The following MYOM3 variants were observed in gnomAD, a reference collection of about 807,000 sequenced individuals.
MYOM3 encodes myomesin-3.
In MYOM3, 155 loss-of-function variants were observed where a neutral mutation model predicts 191.7. That is an observed-to-expected ratio of 0.81 (90% CI 0.71 to 0.92). The LOEUF is 0.92. Among genes scored for constraint, MYOM3 ranks in the 40% least tolerant of loss-of-function variants. The probability of loss-of-function intolerance (pLI) is 0.00; values close to 1 mark genes in which losing one functional copy is unlikely to be tolerated. For missense variants in MYOM3, 1,889 were observed against 1,890.6 expected, an observed-to-expected ratio of 1.00 and a Z score of 0.02; for synonymous variants, 757 against 762.9, an observed-to-expected ratio of 0.99 and a Z score of 0.13.
chr1:24,073,723 C>A (rs1643559709), intron 23 of MYOM3, among the ~76,000 whole-genome samples: 1 of 151,988 alleles, frequency 6.6e-6, no homozygotes, highest in Non-Finnish European at 1.5e-5. Context: ...AATTAGCCAG[C>A]ATGGTGGCAG....
chr1:24,090,053 G>A lies in MYOM3; in HGVS notation c.1486+12C>T, dbSNP rs74061486. On this transcript the variant is annotated intron_variant, in intron 13 of 36. Coordinates refer to ENST00000374434, the MANE Select transcript of MYOM3 (RefSeq NM_152372.4). ...ATACAGGAGGCCCAGTGTGTGGGAG[G>A]ATCCCGCGTACCTTCAAAAGCGTCT... 5.4e-4 allele frequency: 878 copies of A among 1,613,262 alleles called. 5 individuals are homozygous for A. In the African/African-American group the frequency reaches 9.1e-3, roughly 17 times the overall value.
intron 16 of MYOM3, 158 bp from the exon 17 acceptor site, chr1:24,082,872 A>G: frequency 1.2e-6 from 1 of 814,832 alleles, no homozygotes; most frequent in Non-Finnish European, 1.8e-6. Flanking sequence ...ATCCCATGGC[A>G]ATGCCTGAGA....
chr1:24,099,089 A>C (rs1352576458), intron 6 of MYOM3, among the ~76,000 whole-genome samples: 6 of 152,152 alleles, frequency 3.9e-5, no homozygotes. Flanking sequence ...TGAGTGACAC[A>C]GGCCTTGGGG....
At position 24,079,903 on chromosome 1, in the gene MYOM3, T is replaced by A. The variant is rs117944167; in HGVS notation, c.2586+113A>T. The A allele has an allele frequency of 1.8e-5, 18 of 1,019,762 alleles. No individual in the cohort carries two copies. In the East Asian group the frequency reaches 4.8e-4, roughly 27 times the overall value. 63.2% of individuals were successfully genotyped at this position (1,019,762 alleles called of 1,614,324 possible). ...TAGGTAAATCGCTCTTCCTCTCTGG[T>A]CCTCTGCTTCCATTAAGTGAGAGCA... On this transcript the variant is annotated intron_variant, in intron 20 of 36. Coordinates refer to ENST00000374434, the MANE Select transcript of MYOM3 (RefSeq NM_152372.4).
intron 29 of MYOM3, chr1:24,065,687 T>A: frequency 1.6e-6 from 1 of 616,302 alleles, no homozygotes; most frequent in Non-Finnish European, 2.9e-6. Context: ...TTTTTTTGCA[T>A]TAATTTTGAT....
At chr1:24,071,028 G>C in intron 25 of MYOM3, 89 bp downstream of exon 25, 1 of 1,473,018 alleles carries the variant, frequency 6.8e-7, no homozygotes, top group Admixed American at 1.9e-5. Context: ...CCACTAGGGG[G>C]AAGTACCAGC....
At chr1:24,089,393 C>T (rs1643785215) in intron 14 of MYOM3, 145 bp downstream of exon 14, 1 of 1,052,174 alleles carries the variant, frequency 9.5e-7, no homozygotes, top group African/African-American at 1.6e-5. Context: ...CATCCCCTTG[C>T]CTCTGTGTAG....
rs1375528023 is a variant in MYOM3 at position 24,107,208 on chromosome 1, G to T, written c.267C>A (p.Thr89=). 6.2e-7 allele frequency: 1 copy of T among 1,604,512 alleles called. No individual in the cohort carries two copies. Among genetic ancestry groups the T allele is most frequent in the South Asian group, 1.1e-5 (1 of 89,150 alleles). The part of the protein sequence containing the change: ...LSWEAQLRRQ[T]SAVELEERGQ... ...CTCGCTCCTCCAGCTCCACGGCAGA[G>T]GTCTGGCGTCTCAGCTGGGCTTCCC... Residue 89 remains threonine, a synonymous_variant, in exon 4 of 37, where the codon ACC becomes ACA. Transcript: ENST00000374434.
chr1:24,075,201 C>G, intron 22 of MYOM3, 118 bp downstream of exon 22: 3 of 968,072 alleles, frequency 3.1e-6, no homozygotes, highest in Non-Finnish European at 3.2e-6. Context: ...GACTGAGCAG[C>G]GCCTTTCAAC....
rs146995432 is a variant in MYOM3, at chr1:24,064,248, G to A, written c.3535-89C>T. 4,127 of 932,748 alleles carry A rather than the reference G, an allele frequency of 4.4e-3. 165 individuals are homozygous for A. The South Asian group carries it at 0.053, about 12-fold the overall frequency. The allele number at this position is 932,748 out of a possible 1,614,324, so 57.8% of individuals were successfully genotyped here. A position where few individuals can be genotyped will look rare whatever the true frequency, so the allele number is the denominator to read the frequency against. On this transcript the variant is annotated intron_variant, in intron 29 of 36. Transcript: ENST00000374434. ...ATCCGGAGGCCTGGGCTCCAGGCCT[G>A]CCCCTCACTCTCTGTGTGACCTCAG... is the stretch of plus-strand genomic sequence containing the variant.
chr1:24,095,718 C>G (rs376261439), intron 7 of MYOM3, among the ~76,000 whole-genome samples: 1 of 152,140 alleles, frequency 6.6e-6, no homozygotes. Flanking sequence ...AATCAAGCCA[C>G]CAGCCATAGC....
At chr1:24,078,308 G>A (rs1209602010) in intron 20 of MYOM3, among the ~76,000 whole-genome samples, 2 of 152,036 alleles carry the variant, frequency 1.3e-5, no homozygotes, top group Non-Finnish European at 2.9e-5. Flanking sequence ...GTAGAAATGA[G>A]GTTTCACTAT....
intron 5 of MYOM3, among the ~76,000 whole-genome samples, chr1:24,104,465 G>T (rs1557617912): frequency 6.6e-6 from 1 of 152,052 alleles, no homozygotes; most frequent in African/African-American, 2.4e-5. Context: ...AGGTGAGATT[G>T]TGTCTGGTTA....
At position 24,111,858 on chromosome 1, in the gene MYOM3, T is replaced by C. The variant is rs1008749349; in HGVS notation, c.-19+173A>G. ...TCTGGAATCCCCTCCCATTTTCACT[T>C]GGGTGCTGCCTCAGCACAAATTTCC... is the stretch of plus-strand genomic sequence containing the variant. On this transcript the variant is annotated intron_variant, in intron 1 of 36. Transcript: ENST00000374434. This position sits in a 1 kb window ranked among gnomAD's most constrained non-coding sequence, Gnocchi z 4.7. Among the ~76,000 whole-genome samples, 1 of 152,040 alleles carries C rather than the reference T, an allele frequency of 6.6e-6. No individual in the cohort carries two copies. Among genetic ancestry groups the C allele is most frequent in the Admixed American group, 6.6e-5 (1 of 15,258 alleles).
At position 24,056,566 on chromosome 1, in the gene MYOM3, G is replaced by C. The variant is rs762438974; in HGVS notation, c.*798C>G. On this transcript the variant is annotated 3_prime_UTR_variant, in exon 37 of 37. Transcript: ENST00000374434. ...GTATTTTTAGTAGAGACCGGGTTTCGTCATGTTGGCCAGGCTGGTCTAAAA... is the reference window on the plus strand; with the variant it reads ...GTATTTTTAGTAGAGACCGGGTTTCCTCATGTTGGCCAGGCTGGTCTAAAA... 1 of 152,106 alleles carries C rather than the reference G, an allele frequency of 6.6e-6. No homozygotes were observed. Among genetic ancestry groups the C allele is most frequent in the Non-Finnish European group, 1.5e-5 (1 of 68,048 alleles). The allele number at this position is 152,106 out of a possible 1,614,324, so 9.4% of individuals were successfully genotyped here. A position where few individuals can be genotyped will look rare whatever the true frequency, so the allele number is the denominator to read the frequency against.
At chr1:24,089,809 G>T in intron 13 of MYOM3, 144 bp from the exon 14 acceptor site, 1 of 1,045,420 alleles carries the variant, frequency 9.6e-7, no homozygotes, top group Non-Finnish European at 1.4e-6. Flanking sequence ...ACTCAGCAAT[G>T]CTGGGCAGAG....
chr1:24,107,139 C>G lies in MYOM3; in HGVS notation c.336G>C (p.Glu112Asp). The part of the protein sequence containing the change: ...VGFGNDWERT[E>D]IAFLQTHRLL... The stretch of plus-strand genomic sequence containing the variant: ...GCCGGTGGGTCTGCAGGAAGGCGAT[C>G]TCAGTCCTCTCCCAGTCATTGCCGA... Residue 112 changes from glutamate (E) to aspartate (D), a missense_variant, in exon 4 of 37, where the codon GAG (glutamate) becomes GAC (aspartate). Glu to Asp is a conservative substitution (Grantham distance 45). Coordinates refer to ENST00000374434, the MANE Select transcript of MYOM3 (RefSeq NM_152372.4). The G allele has an allele frequency of 6.2e-7, 1 of 1,612,662 alleles. No homozygotes were observed. Among genetic ancestry groups the G allele is most frequent in the Non-Finnish European group, 8.5e-7 (1 of 1,179,500 alleles).
Position 24,107,210 on chromosome 1 carries a change from T to A in MYOM3, c.265A>T (p.Thr89Ser). The change falls in exon 4 of 37, where the codon ACC (threonine) becomes TCC (serine). Residue 89 changes from threonine to serine, a missense_variant. Thr to Ser is a moderately conservative substitution (Grantham distance 58). Transcript: ENST00000374434. ...CGCTCCTCCAGCTCCACGGCAGAGG[T>A]CTGGCGTCTCAGCTGGGCTTCCCTG... ...LSWEAQLRRQTSAVELEERGQ... is the reference protein window; with the variant it reads ...LSWEAQLRRQSSAVELEERGQ... The A allele has an allele frequency of 6.2e-7, 1 of 1,603,196 alleles. No homozygotes were observed. The highest frequency in any genetic ancestry group is 8.5e-7 in the Non-Finnish European group (1 of 1,175,010).
chr1:24,058,155 T>A (rs778511144), intron 36 of MYOM3, among the ~76,000 whole-genome samples: 1 of 152,202 alleles, frequency 6.6e-6, no homozygotes, highest in Admixed American at 6.5e-5. Context: ...TCTCAGACCA[T>A]AATTACTCTC....
Sources: allele counts gnomAD v4.1 joint callset (sites outside exome capture counted in the v4.1 genomes callset), GRCh38; gene constraint gnomAD v4.1.1; non-coding constraint Gnocchi (gnomAD v3.1); transcripts MANE v1.5; gene names NCBI Gene and HGNC (gene_info 2026-07-23, HGNC 2026-07-21).